RABL3: variants seen among roughly 807,000 people sequenced by gnomAD.
RABL3 encodes the protein rab-like protein 3.
In RABL3, 31 loss-of-function variants were observed where a neutral mutation model predicts 31.8. The ratio of observed to expected loss-of-function variants is 0.97; its 90% CI spans 0.73 to 1.31. The LOEUF (loss-of-function observed/expected upper bound fraction) is 1.31, where lower values mean the gene tolerates loss of function less well. Among genes scored for constraint, RABL3 ranks in the 40% most tolerant of loss-of-function variants. RABL3 has a pLI of 0.00. For synonymous variants in RABL3, 97 were observed against 99.9 expected, an observed-to-expected ratio of 0.97 and a Z score of 0.18; for missense variants, 263 against 279.6, an observed-to-expected ratio of 0.94 and a Z score of 0.42.
chr3:120,689,074 A>G lies in RABL3; in HGVS notation c.*749T>C, dbSNP rs1011328520. 6.6e-6 allele frequency: 1 copy of G among 152,184 alleles called. No individual in the cohort carries two copies. Among genetic ancestry groups the G allele is most frequent in the African/African-American group, 2.4e-5 (1 of 41,446 alleles). The allele number at this position is 152,184 out of a possible 1,614,324, so 9.4% of individuals were successfully genotyped here. A position where few individuals can be genotyped will look rare whatever the true frequency, so the allele number is the denominator to read the frequency against. ...TTAGATTTTACCCTACCTATTTCCAAACAGAAAACCTAGACTGTATATAGC... is the reference window on the plus strand; with the variant it reads ...TTAGATTTTACCCTACCTATTTCCAGACAGAAAACCTAGACTGTATATAGC... On this transcript the variant is annotated 3_prime_UTR_variant, in exon 8 of 8. Coordinates refer to ENST00000273375, the MANE Select transcript of RABL3 (RefSeq NM_173825.5).
rs375577484 is a variant in RABL3, at chr3:120,722,848, A to C, written c.138+7848T>G. Among the ~76,000 whole-genome samples the C allele has an allele frequency of 7.9e-4, 121 of 152,302 alleles. 1 individual carries two copies. Among genetic ancestry groups the C allele is most frequent in the African/African-American group, 2.8e-3 (117 of 41,578 alleles). On this transcript the variant is annotated intron_variant, in intron 2 of 7. Coordinates refer to ENST00000273375, the MANE Select transcript of RABL3 (RefSeq NM_173825.5). ...TAAATGCCCACAAGAGAAAGCAGGA[A>C]AGATCTAAAATTGACACCCTAACAT...
chr3:120,727,904 T>C (rs929503216), intron 2 of RABL3, among the ~76,000 whole-genome samples: 5 of 152,200 alleles, frequency 3.3e-5, no homozygotes, highest in Admixed American at 1.3e-4. Flanking sequence ...CAAACTCTCA[T>C]TGTAATAGGA....
At chr3:120,735,347 A>G (rs969725262) in intron 1 of RABL3, among the ~76,000 whole-genome samples, 1 of 152,148 alleles carries the variant, frequency 6.6e-6, no homozygotes, top group African/African-American at 2.4e-5. Flanking sequence ...TGTTTTTAGT[A>G]TTCTCTGATG....
intron 2 of RABL3, among the ~76,000 whole-genome samples, chr3:120,729,847 T>C (rs1559822441): frequency 6.6e-6 from 1 of 151,970 alleles, no homozygotes; most frequent in Non-Finnish European, 1.5e-5. Context: ...GCAAGACAGA[T>C]AATGGCTTAA....
chr3:120,739,308 C>T (rs776528907), intron 1 of RABL3, among the ~76,000 whole-genome samples: 1 of 151,704 alleles, frequency 6.6e-6, no homozygotes, highest in Non-Finnish European at 1.5e-5. Flanking sequence ...ACCCAGGAGG[C>T]AGAGGCTGCA....
At chr3:120,699,997 C>G (rs1314142807) in intron 4 of RABL3, among the ~76,000 whole-genome samples, 1 of 152,156 alleles carries the variant, frequency 6.6e-6, no homozygotes, top group Non-Finnish European at 1.5e-5. Context: ...CAAATATCAT[C>G]TTTGATGTAC....
intron 5 of RABL3, among the ~76,000 whole-genome samples, 156 bp downstream of exon 5, chr3:120,698,267 A>G (rs140195772): frequency 0.021 from 3,264 of 152,346 alleles, 55 homozygotes; most frequent in Middle Eastern, 0.054. Context: ...CTCAGTCTAG[A>G]TATGTTGATT....
Position 120,709,929 on chromosome 3 carries a change from A to G in RABL3, c.139-20T>C. ...ATGAACCTAACAAATCAATCAATTA[A>G]AATAATTAATATAGCCACTAAACAA... is the stretch of plus-strand genomic sequence containing the variant. On this transcript the variant is annotated intron_variant, in intron 2 of 7. Transcript: ENST00000273375. 1 of 1,566,636 alleles carries G rather than the reference A, an allele frequency of 6.4e-7. No homozygotes were observed. Among genetic ancestry groups the G allele is most frequent in the Non-Finnish European group, 8.7e-7 (1 of 1,151,466 alleles).
Position 120,725,447 on chromosome 3 carries a change from G to A in RABL3, c.138+5249C>T, listed in dbSNP as rs572021740. On this transcript the variant is annotated intron_variant, in intron 2 of 7. Transcript: ENST00000273375. ...TTTGACCCAACCATCCCATTACTGCGTATATACCCAAAGGATTATAAATCA... is the reference window on the plus strand; with the variant it reads ...TTTGACCCAACCATCCCATTACTGCATATATACCCAAAGGATTATAAATCA... Among the ~76,000 whole-genome samples the A allele has an allele frequency of 5.6e-3, 858 of 152,236 alleles. 11 individuals are homozygous for A. Among genetic ancestry groups the A allele is most frequent in the African/African-American group, 0.02 (822 of 41,522 alleles).
intron 2 of RABL3, among the ~76,000 whole-genome samples, chr3:120,728,426 A>G (rs1454357024): frequency 2.6e-5 from 4 of 152,202 alleles, no homozygotes; most frequent in Admixed American, 2.6e-4. Flanking sequence ...TTTAAATCTA[A>G]GTTTCTTTTC....
At chr3:120,735,146 A>G (rs1015326106) in intron 1 of RABL3, among the ~76,000 whole-genome samples, 1 of 152,202 alleles carries the variant, frequency 6.6e-6, no homozygotes, top group Non-Finnish European at 1.5e-5. Context: ...TACCTCTGGT[A>G]GAATTCAGCT....
chr3:120,718,442 G>A (rs1478460208), intron 2 of RABL3, among the ~76,000 whole-genome samples: 1 of 152,112 alleles, frequency 6.6e-6, no homozygotes, highest in Non-Finnish European at 1.5e-5. Context: ...CTTCCTATTA[G>A]CATCTCATTC....
intron 2 of RABL3, among the ~76,000 whole-genome samples, chr3:120,721,098 G>A (rs1302886345): frequency 5.3e-5 from 8 of 152,152 alleles, no homozygotes; most frequent in Middle Eastern, 3.2e-3. Context: ...CTTCATAAGC[G>A]AAGGAGAAAT....
At chr3:120,741,506 C>G (rs1576352326) in intron 1 of RABL3, among the ~76,000 whole-genome samples, 1 of 152,116 alleles carries the variant, frequency 6.6e-6, no homozygotes, top group Non-Finnish European at 1.5e-5. Context: ...TCCAGAGGAG[C>G]GCTTCTATAA....
At chr3:120,732,210 T>C (rs1708892173) in intron 1 of RABL3, among the ~76,000 whole-genome samples, 1 of 152,212 alleles carries the variant, frequency 6.6e-6, no homozygotes, top group South Asian at 2.1e-4. Flanking sequence ...CATAGCTTGT[T>C]CTGTCTGGAA....
In RABL3 at chr3:120,687,138, T is replaced by C. The variant is rs898278047; in HGVS notation, c.*2685A>G. 3.3e-5 allele frequency: 5 copies of C among 152,160 alleles called. No homozygotes were observed. The highest frequency in any genetic ancestry group is 1.2e-4 in the African/African-American group (5 of 41,418). The allele number at this position is 152,160 out of a possible 1,614,324, so 9.4% of individuals were successfully genotyped here. On this transcript the variant is annotated 3_prime_UTR_variant, in exon 8 of 8. Transcript: ENST00000273375. ...TTAGTTGGATTCCAGCTAAGTCTTA[T>C]ACACCTAAGGGACAGAGGAGTAGTC... is the stretch of plus-strand genomic sequence containing the variant.
intron 4 of RABL3, 84 bp from the exon 5 acceptor site, chr3:120,698,657 T>TTAA: frequency 5.2e-6 from 6 of 1,161,346 alleles, no homozygotes; most frequent in Non-Finnish European, 7.2e-6. Flanking sequence ...TAAGTTACAC[T>TTAA]ATTTTACTGA....
chr3:120,692,945 T>C (rs1708397194), intron 6 of RABL3, among the ~76,000 whole-genome samples: 2 of 152,136 alleles, frequency 1.3e-5, no homozygotes, highest in African/African-American at 2.4e-5. Context: ...CTAAACCAAA[T>C]GGAAATTCTT....
At chr3:120,742,413 G>C in intron 1 of RABL3, 49 bp downstream of exon 1, 1 of 1,570,826 alleles carries the variant, frequency 6.4e-7, no homozygotes, top group Non-Finnish European at 8.8e-7. Flanking sequence ...GAGGGTTACT[G>C]GGTAACTCAA....
Sources: allele counts gnomAD v4.1 joint callset (sites outside exome capture counted in the v4.1 genomes callset), GRCh38; gene constraint gnomAD v4.1.1; transcripts MANE v1.5; gene names NCBI Gene and HGNC (gene_info 2026-07-23, HGNC 2026-07-21).